The following MYO10 variants were observed in gnomAD, a reference collection of about 807,000 sequenced individuals.
MYO10 encodes the protein myosin X.
Under a neutral mutation model 257.3 loss-of-function variants are expected in MYO10, and 133 were observed. That is an observed-to-expected ratio of 0.52 (90% CI 0.45 to 0.60). MYO10 has a LOEUF of 0.60. Ranked by LOEUF, MYO10 falls within the 20% of genes least tolerant of loss-of-function variation. MYO10 has a pLI of 0.00. For missense variants in MYO10, 2,399 were observed against 2,635.7 expected (o/e 0.91, Z 1.97); for synonymous variants, 1,104 against 1,028.6 (o/e 1.07, Z -1.40).
chr5:16,755,806 T>C (rs986264591), intron 18 of MYO10, among the ~76,000 whole-genome samples: 1 of 149,876 alleles, frequency 6.7e-6, no homozygotes, highest in African/African-American at 2.5e-5. Flanking sequence ...CAGCTTCAGC[T>C]CAGGGCTAAT....
chr5:16,811,384 A>G (rs1742437135), intron 3 of MYO10, among the ~76,000 whole-genome samples: 1 of 152,140 alleles, frequency 6.6e-6, no homozygotes, highest in Non-Finnish European at 1.5e-5. Context: ...AAGGCTTCTA[A>G]CCTCAGGCTG....
chr5:16,928,697 T>C (rs1038694829), intron 1 of MYO10, among the ~76,000 whole-genome samples: 1 of 151,340 alleles, frequency 6.6e-6, no homozygotes, highest in Non-Finnish European at 1.5e-5. Context: ...TATCAAAAAT[T>C]AGCCGGGTGT....
Position 16,734,481 on chromosome 5 carries a change from C to T in MYO10, c.1929+20347G>A, listed in dbSNP as rs137885401. Among the ~76,000 whole-genome samples the T allele has an allele frequency of 9.8e-4, 149 of 152,242 alleles. 1 individual carries two copies. Among genetic ancestry groups the T allele is most frequent in the Non-Finnish European group, 1.9e-3 (128 of 68,010 alleles). On this transcript the variant is annotated intron_variant, in intron 19 of 40. Transcript: ENST00000513610. ...CACCTGTTTTTTGCTGGGAGAGCCA[C>T]ACAGTGAACACCAGAGTTCTCTACC... is the stretch of plus-strand genomic sequence containing the variant.
At chr5:16,779,478 A>G in intron 9 of MYO10, 67 bp downstream of exon 9, 1 of 963,212 alleles carries the variant, frequency 1.0e-6, no homozygotes, top group East Asian at 2.8e-5. Context: ...GAAACCGAAA[A>G]TGAAATCTGT....
At chr5:16,668,801 G>T (rs2126454115) in intron 39 of MYO10, among the ~76,000 whole-genome samples, 2 of 152,244 alleles carry the variant, frequency 1.3e-5, no homozygotes, top group Admixed American at 1.3e-4. Context: ...TTGGCCGGGG[G>T]ACTTAAGGAA....
intron 2 of MYO10, among the ~76,000 whole-genome samples, chr5:16,866,050 C>G (rs1271856149): frequency 3.4e-5 from 5 of 148,260 alleles, no homozygotes; most frequent in Non-Finnish European, 7.5e-5. Context: ...CACACACACA[C>G]ACACACACAA....
chr5:16,813,839 T>C (rs898853557), intron 3 of MYO10, among the ~76,000 whole-genome samples: 2 of 152,096 alleles, frequency 1.3e-5, no homozygotes, highest in African/African-American at 2.4e-5. Context: ...GAGGAAAGAT[T>C]TGAAGCCATG....
intron 2 of MYO10, among the ~76,000 whole-genome samples, chr5:16,826,666 C>T (rs1743011207): frequency 6.6e-6 from 1 of 152,192 alleles, no homozygotes; most frequent in African/African-American, 2.4e-5. Flanking sequence ...TGATGAAAAT[C>T]TATTTGTCAT....
intron 3 of MYO10, among the ~76,000 whole-genome samples, chr5:16,802,753 A>T (rs1353255854): frequency 6.6e-6 from 1 of 152,102 alleles, no homozygotes; most frequent in Non-Finnish European, 1.5e-5. Flanking sequence ...CTAAGTATAA[A>T]GAGAGATTAA....
rs995501840 is a variant in MYO10, at chr5:16,846,910, G to T, written c.121-28743C>A. Among the ~76,000 whole-genome samples, 4 of 151,974 alleles carry T rather than the reference G, an allele frequency of 2.6e-5. No individual in the cohort carries two copies. The South Asian group carries it at 8.3e-4, about 32-fold the overall frequency. On this transcript the variant is annotated intron_variant, in intron 2 of 40. Transcript: ENST00000513610. The stretch of plus-strand genomic sequence containing the variant: ...AGGCAGGCGGATTACCTGAGGTCAG[G>T]AGTTTGAGACCAGCCTGGCCAACAT...
At chr5:16,817,174 C>CT (rs1180228830) in intron 3 of MYO10, among the ~76,000 whole-genome samples, 21 of 152,070 alleles carry the variant, frequency 1.4e-4, no homozygotes, top group Admixed American at 1.1e-3. Flanking sequence ...AATGTAACTC[C>CT]TAAAGAATAA....
At chr5:16,811,351 C>G (rs1742435708) in intron 3 of MYO10, among the ~76,000 whole-genome samples, 1 of 152,170 alleles carries the variant, frequency 6.6e-6, no homozygotes, top group Admixed American at 6.5e-5. Flanking sequence ...GCAGAATCAT[C>G]CTAGGTGGGG....
chr5:16,677,759 T>C (rs26751), intron 33 of MYO10, among the ~76,000 whole-genome samples: 9,530 of 137,862 alleles, frequency 0.069, 999 homozygotes, highest in African/African-American at 0.24. Flanking sequence ...AAAAATCATA[T>C]TTACTCTTTT....
In MYO10 at chr5:16,754,817, A is replaced by G; in HGVS notation, c.1929+11T>C. On this transcript the variant is annotated intron_variant, in intron 19 of 40. Transcript: ENST00000513610. ...AGACAGATCCCAGCCTAGGACTGTC[A>G]TCAATCTTACCTTCTGCATGTTTGG... 1 of 1,583,942 alleles carries G rather than the reference A, an allele frequency of 6.3e-7. No individual in the cohort carries two copies. The highest frequency in any genetic ancestry group is 8.6e-7 in the Non-Finnish European group (1 of 1,159,398).
At chr5:16,778,711 G>C (rs1397224985) in intron 9 of MYO10, among the ~76,000 whole-genome samples, 1 of 49,486 alleles carries the variant, frequency 2.0e-5, no homozygotes, top group African/African-American at 9.8e-5. Context: ...TTTTTTTTTT[G>C]AGACGGAGTC....
chr5:16,668,323 T>A lies in MYO10; in HGVS notation c.6029A>T (p.Tyr2010Phe). 6 of 1,614,010 alleles carry A rather than the reference T, an allele frequency of 3.7e-6. No individual in the cohort carries two copies. Among genetic ancestry groups the A allele is most frequent in the Non-Finnish European group, 5.1e-6 (6 of 1,179,898 alleles). The change falls in exon 40 of 41, where the codon TAT becomes TTT. Residue 2010 changes from tyrosine (Y) to phenylalanine (F), a missense_variant. Tyr to Phe is a conservative substitution (Grantham distance 22, BLOSUM62 3). Transcript: ENST00000513610. Reference protein sequence around the residue: ...LSFGAPLANTYKIVVDERELL... With the variant: ...LSFGAPLANTFKIVVDERELL... ...CTCCCTCTCATCGACCACGATCTTA[T>A]ACGTATTCGCCAGGGGTGCCCCAAA... is the stretch of plus-strand genomic sequence containing the variant.
intron 2 of MYO10, among the ~76,000 whole-genome samples, chr5:16,861,599 G>A (rs192382363): frequency 6.6e-6 from 1 of 152,046 alleles, no homozygotes; most frequent in Admixed American, 6.6e-5. Context: ...CTATTGCAAA[G>A]TAGGGGTAAG....
chr5:16,846,647 A>C (rs865859994), intron 2 of MYO10, among the ~76,000 whole-genome samples: 3 of 152,338 alleles, frequency 2.0e-5, no homozygotes, highest in South Asian at 2.1e-4. Flanking sequence ...GGTCATCATC[A>C]TCGTTGTGCA....
At chr5:16,913,498 C>T (rs1250854047) in intron 1 of MYO10, among the ~76,000 whole-genome samples, 2 of 152,200 alleles carry the variant, frequency 1.3e-5, no homozygotes, top group Non-Finnish European at 2.9e-5. Context: ...GAATTTCCTT[C>T]TTCTCAAGTT....
Sources: gnomAD v4.1 joint callset for allele counts (sites outside exome capture counted in the v4.1 genomes callset) on GRCh38, gnomAD v4.1.1 for gene constraint, MANE v1.5 for transcripts, NCBI Gene and HGNC (gene_info 2026-07-23, HGNC 2026-07-21) for gene names.